Variants in RAB9B observed in about 807,000 individuals in gnomAD.
RAB9B encodes RAB9B, member RAS oncogene family.
A neutral mutation model predicts 8.9 loss-of-function variants in RAB9B; 1 was observed. The ratio of observed to expected loss-of-function variants is 0.11; its 90% CI spans 0.04 to 0.53. RAB9B has a LOEUF of 0.53. RAB9B is among the 20% of genes least tolerant of loss of function. The pLI is 0.93. For synonymous variants in RAB9B, 63 were observed against 57.0 expected (o/e 1.10, Z -0.47); for missense variants, 82 against 152.9 (o/e 0.54, Z 2.45).
chrX:103,804,878 A>G, the RAB9B span, among the ~76,000 whole-genome samples: 3 of 110,319 alleles, frequency 2.7e-5, no homozygotes, highest in African/African-American at 9.9e-5. Flanking sequence ...CGCTGAACTC[A>G]TTTATTAGCT....
At chrX:103,818,253 T>TA (rs2074647203), downstream of RAB9B, among the ~76,000 whole-genome samples, 1 of 111,419 alleles carries the variant, frequency 9.0e-6, no homozygotes. Flanking sequence ...AATGACAGCA[T>TA]GAGATCATTT....
the RAB9B span, among the ~76,000 whole-genome samples, chrX:103,801,780 C>G: frequency 7.2e-5 from 8 of 111,863 alleles, no homozygotes; most frequent in African/African-American, 2.6e-4. Context: ...AACCACTGCT[C>G]TATGGTTCTC....
chrX:103,826,008 G>C (rs1368293711), intron 2 of RAB9B, among the ~76,000 whole-genome samples, 182 bp from the exon 3 acceptor site: 1 of 111,948 alleles, frequency 8.9e-6, no homozygotes, highest in East Asian at 2.8e-4. Context: ...AATAGGTCTT[G>C]TTTTTCTGAG....
In RAB9B at chrX:103,825,797, A is replaced by G; in HGVS notation, c.-13T>C. 8.6e-7 allele frequency: 1 copy of G among 1,156,304 alleles called. No individual in the cohort carries two copies. Among genetic ancestry groups the G allele is most frequent in the East Asian group, 3.0e-5 (1 of 33,333 alleles). ...ATTTCCCACTCATTTTTGCAGCACC[A>G]GAAGGGAAGGAGTTTGTAACCAAGA... On this transcript the variant is annotated 5_prime_UTR_variant, in exon 3 of 3. Transcript: ENST00000243298.
chrX:103,810,358 A>T, the RAB9B span, among the ~76,000 whole-genome samples: 2 of 111,807 alleles, frequency 1.8e-5, no homozygotes, highest in Admixed American at 1.9e-4. Flanking sequence ...AAACTCTCTG[A>T]CTACTGCCAT....
the RAB9B span, among the ~76,000 whole-genome samples, chrX:103,816,754 A>C: frequency 8.9e-6 from 1 of 112,394 alleles, no homozygotes. Flanking sequence ...AAACAACCCC[A>C]TCAAAAAGTG....
At chrX:103,789,080 G>A in the RAB9B span, 3 of 415,512 alleles carry the variant, frequency 7.2e-6, no homozygotes, top group Non-Finnish European at 8.4e-6. Flanking sequence ...CAACTGTAGG[G>A]AACCAGTTAA....
At chrX:103,788,764 G>A in the RAB9B span, 1 of 391,392 alleles carries the variant, frequency 2.6e-6, no homozygotes, top group Non-Finnish European at 4.5e-6. Flanking sequence ...TGTAGCTTTA[G>A]GTAAAGATAG....
the RAB9B span, among the ~76,000 whole-genome samples, chrX:103,784,491 C>T: frequency 9.0e-6 from 1 of 111,616 alleles, no homozygotes; most frequent in Non-Finnish European, 1.9e-5. Flanking sequence ...TCCTATTTTC[C>T]AATTTTCATT....
chrX:103,806,551 A>G, the RAB9B span, among the ~76,000 whole-genome samples: 1 of 111,926 alleles, frequency 8.9e-6, no homozygotes, highest in Non-Finnish European at 1.9e-5. Flanking sequence ...TCTGCACTGG[A>G]GAAGAATATG....
At chrX:103,798,935 CG>C in the RAB9B span, among the ~76,000 whole-genome samples, 4 of 108,355 alleles carry the variant, frequency 3.7e-5, no homozygotes, top group African/African-American at 1.3e-4. Context: ...CCACCGAGCC[CG>C]ACCCAAACTA....
At chrX:103,784,640 C>A in the RAB9B span, among the ~76,000 whole-genome samples, 1 of 112,066 alleles carries the variant, frequency 8.9e-6, no homozygotes, top group African/African-American at 3.2e-5. Flanking sequence ...TTTCCTCCAC[C>A]TGGAATGCTC....
intron 1 of RAB9B, among the ~76,000 whole-genome samples, chrX:103,827,517 T>G (rs992893959): frequency 8.9e-6 from 1 of 111,886 alleles, no homozygotes; most frequent in Non-Finnish European, 1.9e-5. Context: ...GTTAGTGCAC[T>G]CACCAGTCTG....
the RAB9B span, chrX:103,786,749 G>A: frequency 8.3e-7 from 1 of 1,209,472 alleles, no homozygotes; most frequent in Non-Finnish European, 1.1e-6. Flanking sequence ...AGGATTTTGT[G>A]GCAATAACAA....
At chrX:103,783,485 T>C in the RAB9B span, among the ~76,000 whole-genome samples, 98 of 112,401 alleles carry the variant, frequency 8.7e-4, no homozygotes, top group Non-Finnish European at 1.5e-3. Context: ...GTGACACTCT[T>C]TGAAGGCCAA....
the RAB9B span, among the ~76,000 whole-genome samples, chrX:103,783,381 G>A: frequency 2.7e-5 from 3 of 112,496 alleles, no homozygotes; most frequent in Non-Finnish European, 3.8e-5. Flanking sequence ...CAAGTTTCCT[G>A]GCAGCAATGC....
chrX:103,821,857 G>A (rs1306417282), downstream of RAB9B, among the ~76,000 whole-genome samples: 1 of 111,317 alleles, frequency 9.0e-6, no homozygotes, highest in African/African-American at 3.3e-5. Context: ...TGAAATCTGG[G>A]CTTTTAGTGT....
chrX:103,780,957 A>C, the RAB9B span: 1 of 145,533 alleles, frequency 6.9e-6, no homozygotes, highest in Non-Finnish European at 1.4e-5. Flanking sequence ...ACTGTAGTGC[A>C]GATTCGAGAC....
chrX:103,785,268 G>T, the RAB9B span, among the ~76,000 whole-genome samples: 17 of 111,555 alleles, frequency 1.5e-4, no homozygotes, highest in African/African-American at 5.5e-4. Flanking sequence ...GTAGAGACGG[G>T]GTTTTGCCAT....
Sources: allele counts gnomAD v4.1 joint callset (sites outside exome capture counted in the v4.1 genomes callset), GRCh38; gene constraint gnomAD v4.1.1; transcripts MANE v1.5; gene names NCBI Gene and HGNC (gene_info 2026-07-23, HGNC 2026-07-21).